LTA4H: variants seen among roughly 807,000 people sequenced by gnomAD.
LTA4H encodes leukotriene A4 hydrolase, also known as leukotriene A-4 hydrolase.
LTA4H carries 59 observed loss-of-function variants against 89.8 expected under a neutral mutation model. The ratio of observed to expected loss-of-function variants is 0.66; its 90% CI spans 0.53 to 0.82. The LOEUF (loss-of-function observed/expected upper bound fraction) is 0.82. Ranked by LOEUF, LTA4H falls within the 40% of genes least tolerant of loss-of-function variation. The pLI is 0.00. For missense variants in LTA4H, 617 were observed against 727.0 expected, an observed-to-expected ratio of 0.85 and a Z score of 1.74; for synonymous variants, 227 against 253.1, an observed-to-expected ratio of 0.90 and a Z score of 0.98.
At chr12:96,011,530 G>A (rs924302847) in intron 14 of LTA4H, 5 of 151,988 alleles carry the variant, frequency 3.3e-5, no homozygotes, top group South Asian at 2.1e-4. Flanking sequence ...TCTCCAAGAC[G>A]ATGTCCAAAT....
upstream of LTA4H, among the ~76,000 whole-genome samples, chr12:96,038,344 A>T (rs1950665117): frequency 6.6e-6 from 1 of 152,202 alleles, no homozygotes; most frequent in African/African-American, 2.4e-5. Context: ...TTACACATGC[A>T]TAGGTCCTAA....
intron 7 of LTA4H, 125 bp from the exon 8 acceptor site, chr12:96,019,028 A>G: frequency 1.7e-6 from 2 of 1,192,630 alleles, no homozygotes; most frequent in East Asian, 2.4e-5. Flanking sequence ...AAAATGATAA[A>G]AAGAATGTAG....
chr12:96,041,680 C>A (rs749248102), intron 1 of LTA4H, among the ~76,000 whole-genome samples: 1 of 152,076 alleles, frequency 6.6e-6, no homozygotes, highest in Non-Finnish European at 1.5e-5. Flanking sequence ...CTCTCTGTGT[C>A]GCCCAGGCCG....
chr12:96,024,916 C>A (rs1477285794), intron 3 of LTA4H, among the ~76,000 whole-genome samples: 1 of 152,126 alleles, frequency 6.6e-6, no homozygotes, highest in African/African-American at 2.4e-5. Context: ...GATCTGCCCA[C>A]CTCGGCCTCC....
At chr12:96,017,159 CTAAAA>C in intron 9 of LTA4H, 45 bp from the exon 10 acceptor site, 1 of 1,284,104 alleles carries the variant, frequency 7.8e-7, no homozygotes, top group Non-Finnish European at 1.1e-6. Context: ...TTATCTTAAC[CTAAAA>C]TAACCCATTC....
chr12:96,037,838 C>G (rs2136927961), upstream of LTA4H, among the ~76,000 whole-genome samples: 1 of 152,048 alleles, frequency 6.6e-6, no homozygotes, highest in South Asian at 2.1e-4. Flanking sequence ...GCGCCCGTCA[C>G]CAAGACCGAC....
intron 1 of LTA4H, among the ~76,000 whole-genome samples, chr12:96,033,524 T>A (rs2246990): frequency 0.28 from 42,691 of 152,086 alleles, 6,758 homozygotes; most frequent in East Asian, 0.41. Context: ...ACGTATAAAC[T>A]CATGTTCAAA....
At chr12:96,011,506 T>G (rs1343709893) in intron 14 of LTA4H, 2 of 152,232 alleles carry the variant, frequency 1.3e-5, no homozygotes, top group African/African-American at 4.8e-5. Context: ...TCTTGTATTC[T>G]CCTTTGTAAG....
intron 6 of LTA4H, 24 bp from the exon 7 acceptor site, chr12:96,019,264 A>C (rs1323391413): frequency 6.3e-7 from 1 of 1,589,698 alleles, no homozygotes; most frequent in African/African-American, 1.4e-5. Flanking sequence ...AAGCTTAATA[A>C]AAAAGAAATT....
intron 5 of LTA4H, among the ~76,000 whole-genome samples, chr12:96,021,666 AACACACACACACAC>A (rs60322768): frequency 5.4e-5 from 8 of 147,246 alleles, no homozygotes; most frequent in Admixed American, 2.1e-4. Context: ...CAATTAAGAA[AACACACACACACAC>A]ACACACACAC....
At chr12:96,020,095 G>A (rs922793158) in intron 6 of LTA4H, among the ~76,000 whole-genome samples, 9 of 151,636 alleles carry the variant, frequency 5.9e-5, no homozygotes, top group Non-Finnish European at 1.2e-4. Context: ...GTAGAGACAT[G>A]ATCTCACTTA....
At chr12:96,018,193 A>G (rs1328630046) in intron 8 of LTA4H, among the ~76,000 whole-genome samples, 1 of 151,936 alleles carries the variant, frequency 6.6e-6, no homozygotes, top group Non-Finnish European at 1.5e-5. Flanking sequence ...CCCATGCCCA[A>G]CTCCCCAAAT....
At chr12:96,007,137 CTAA>C (rs917882233) in intron 15 of LTA4H, among the ~76,000 whole-genome samples, 1 of 152,180 alleles carries the variant, frequency 6.6e-6, no homozygotes, top group African/African-American at 2.4e-5. Context: ...TCCTCAGTAA[CTAA>C]TATTAGTAGT....
chr12:96,031,614 A>C (rs1184897166), intron 1 of LTA4H, among the ~76,000 whole-genome samples: 7 of 152,156 alleles, frequency 4.6e-5, no homozygotes, highest in Non-Finnish European at 8.8e-5. Context: ...CCTAAAAAGC[A>C]GTTGTACTTC....
upstream of LTA4H, among the ~76,000 whole-genome samples, chr12:96,036,297 C>T (rs1950646462): frequency 4.6e-5 from 7 of 152,192 alleles, no homozygotes; most frequent in Admixed American, 3.9e-4. Context: ...ACATCTAGCT[C>T]AGCTCTGGGG....
At chr12:96,023,491 C>T (rs761710564) in intron 4 of LTA4H, among the ~76,000 whole-genome samples, 1 of 152,132 alleles carries the variant, frequency 6.6e-6, no homozygotes, top group Non-Finnish European at 1.5e-5. Flanking sequence ...GTTGGGACTT[C>T]ACGCAGTTAT....
rs1221996477 is a variant in LTA4H at position 96,017,597 on chromosome 12, T to C, written c.853-17A>G. ...GTCGCCTGCCTACAAAAAAAGAAAATTACCTTAGTATTTTAGTAATCGAAT... is the reference window on the plus strand; with the variant it reads ...GTCGCCTGCCTACAAAAAAAGAAAACTACCTTAGTATTTTAGTAATCGAAT... On this transcript the variant is annotated splice_polypyrimidine_tract_variant and intron_variant, in intron 8 of 18. Coordinates refer to ENST00000228740, the MANE Select transcript of LTA4H (RefSeq NM_000895.3). 1.2e-6 allele frequency: 2 copies of C among 1,600,828 alleles called. No homozygotes were observed. Among genetic ancestry groups the C allele is most frequent in the Non-Finnish European group, 1.7e-6 (2 of 1,169,154 alleles).
upstream of LTA4H, among the ~76,000 whole-genome samples, chr12:96,037,933 A>G (rs1283942583): frequency 1.3e-5 from 2 of 151,978 alleles, no homozygotes; most frequent in Non-Finnish European, 2.9e-5. Context: ...CTCGTGATCC[A>G]CCCACCTCGG....
chr12:96,029,971 G>C (rs981862487), intron 1 of LTA4H, among the ~76,000 whole-genome samples: 1 of 152,096 alleles, frequency 6.6e-6, no homozygotes, highest in African/African-American at 2.4e-5. Flanking sequence ...CTCCAAGGGA[G>C]TTTTTGACTG....
Sources: allele counts gnomAD v4.1 joint callset (sites outside exome capture counted in the v4.1 genomes callset), GRCh38; gene constraint gnomAD v4.1.1; transcripts MANE v1.5; gene names NCBI Gene and HGNC (gene_info 2026-07-23, HGNC 2026-07-21).